The following MCF2L2 variants were observed in gnomAD, a reference collection of about 807,000 sequenced individuals.
MCF2L2 encodes probable guanine nucleotide exchange factor MCF2L2.
A neutral mutation model predicts 150.2 loss-of-function variants in MCF2L2; 102 were observed. The observed-to-expected ratio is 0.68, with a 90% confidence interval of 0.58 to 0.80. The LOEUF (loss-of-function observed/expected upper bound fraction) is 0.80. MCF2L2 is among the 30% of genes least tolerant of loss of function. MCF2L2 has a pLI of 0.00. For synonymous variants in MCF2L2, 465 were observed against 491.3 expected (o/e 0.95, Z 0.71); for missense variants, 1,256 against 1,372.8 (o/e 0.91, Z 1.34).
chr3:183,259,374 A>G (rs960728365), intron 15 of MCF2L2, among the ~76,000 whole-genome samples: 1 of 152,152 alleles, frequency 6.6e-6, no homozygotes, highest in Non-Finnish European at 1.5e-5. Context: ...AGGGCTGGGT[A>G]TGCATTTTAG....
intron 1 of MCF2L2, among the ~76,000 whole-genome samples, chr3:183,411,943 T>C (rs1715333626): frequency 6.6e-6 from 1 of 152,152 alleles, no homozygotes; most frequent in South Asian, 2.1e-4. Context: ...TGCTGGACAA[T>C]GCTATGACGA....
At chr3:183,418,058 C>T (rs1231259281) in intron 1 of MCF2L2, among the ~76,000 whole-genome samples, 2 of 152,062 alleles carry the variant, frequency 1.3e-5, no homozygotes, top group African/African-American at 2.4e-5. Flanking sequence ...TGTGGTGGTG[C>T]GCACCTATAG....
rs1576914305 is a variant in MCF2L2, at chr3:183,197,675, C to T, written c.2885-2420G>A. 1.3e-5 allele frequency among the ~76,000 whole-genome samples: 2 copies of T among 152,120 alleles called. No individual in the cohort carries two copies. The highest frequency in any genetic ancestry group is 6.6e-5 in the Admixed American group (1 of 15,264). ...TCACTCTTAAGAGAAAAAGATGCCA[C>T]ACACTAGAAGAAAATATTTACAAAG... On this transcript the variant is annotated intron_variant, in intron 25 of 29. Coordinates refer to ENST00000328913, the MANE Select transcript of MCF2L2 (RefSeq NM_015078.4). This position sits in a 1 kb window ranked among gnomAD's most constrained non-coding sequence, Gnocchi z 4.5.
intron 3 of MCF2L2, among the ~76,000 whole-genome samples, chr3:183,343,840 T>C (rs532702724): frequency 6.6e-6 from 1 of 152,272 alleles, no homozygotes; most frequent in Non-Finnish European, 1.5e-5. Flanking sequence ...GTCACAACAA[T>C]AGCATGAAGA....
chr3:183,196,387 G>T (rs1337353093), intron 25 of MCF2L2, among the ~76,000 whole-genome samples: 1 of 152,180 alleles, frequency 6.6e-6, no homozygotes, highest in African/African-American at 2.4e-5. Context: ...GTGTAAAAAT[G>T]AATCTGGGTG....
At chr3:183,410,890 T>C (rs1339353880) in intron 1 of MCF2L2, among the ~76,000 whole-genome samples, 1 of 152,024 alleles carries the variant, frequency 6.6e-6, no homozygotes, top group Non-Finnish European at 1.5e-5. Context: ...AGAAGAATGG[T>C]ATAGACACAG....
intron 1 of MCF2L2, among the ~76,000 whole-genome samples, chr3:183,419,524 T>C (rs1245711026): frequency 6.6e-6 from 1 of 152,228 alleles, no homozygotes; most frequent in Non-Finnish European, 1.5e-5. Flanking sequence ...AATTCCAATT[T>C]CAAACCATCT....
chr3:183,349,352 C>T (rs1160447533), intron 3 of MCF2L2, among the ~76,000 whole-genome samples: 4 of 152,198 alleles, frequency 2.6e-5, no homozygotes, highest in African/African-American at 9.7e-5. Flanking sequence ...CTAAGCACTA[C>T]TTTTATCTAT....
intron 15 of MCF2L2, among the ~76,000 whole-genome samples, chr3:183,250,951 A>C (rs1471525915): frequency 6.6e-6 from 1 of 152,224 alleles, no homozygotes; most frequent in Non-Finnish European, 1.5e-5. Context: ...CTCTGAGCTC[A>C]GCACTCCACC....
At chr3:183,278,846 T>C (rs2314732) in intron 14 of MCF2L2, among the ~76,000 whole-genome samples, 3,923 of 151,966 alleles carry the variant, frequency 0.026, 176 homozygotes, top group African/African-American at 0.087. Flanking sequence ...ATGATGAGAT[T>C]TCCCTAATTT....
At chr3:183,384,921 T>A (rs1200785927) in intron 2 of MCF2L2, among the ~76,000 whole-genome samples, 1 of 152,126 alleles carries the variant, frequency 6.6e-6, no homozygotes, top group African/African-American at 2.4e-5. Context: ...ATACAAATCA[T>A]TTGTTATAAA....
intron 27 of MCF2L2, chr3:183,182,665 TCG>T (rs1242836035): frequency 1.3e-5 from 2 of 152,118 alleles, no homozygotes; most frequent in Non-Finnish European, 2.9e-5. Flanking sequence ...GGGTGTGCCC[TCG>T]CCTGTCTCCC....
chr3:183,331,175 T>C (rs1421695016), intron 5 of MCF2L2, among the ~76,000 whole-genome samples: 3 of 152,218 alleles, frequency 2.0e-5, no homozygotes, highest in Admixed American at 1.3e-4. Flanking sequence ...ACAATCCTTA[T>C]ACCCCAAAGA....
chr3:183,304,334 A>G (rs2108502479), intron 10 of MCF2L2, among the ~76,000 whole-genome samples: 1 of 152,330 alleles, frequency 6.6e-6, no homozygotes, highest in East Asian at 1.9e-4. Context: ...AGTGACACAA[A>G]TCAAGTAGTG....
intron 1 of MCF2L2, among the ~76,000 whole-genome samples, chr3:183,406,680 G>A (rs1359890876): frequency 6.6e-6 from 1 of 152,034 alleles, no homozygotes; most frequent in East Asian, 1.9e-4. Context: ...GTAGAGACGG[G>A]GTTTCACCAC....
chr3:183,228,660 G>T (rs1434917300), intron 17 of MCF2L2, among the ~76,000 whole-genome samples: 1 of 152,148 alleles, frequency 6.6e-6, no homozygotes, highest in African/African-American at 2.4e-5. Context: ...GAGGAGAAAT[G>T]AGAACTACTC....
chr3:183,255,146 A>G (rs1724924959), intron 15 of MCF2L2, among the ~76,000 whole-genome samples: 1 of 152,090 alleles, frequency 6.6e-6, no homozygotes, highest in Admixed American at 6.5e-5. Flanking sequence ...ATTTTGGGAA[A>G]CCTTGCCTGT....
chr3:183,414,294 G>GA (rs1371387834), intron 1 of MCF2L2, among the ~76,000 whole-genome samples: 1 of 152,066 alleles, frequency 6.6e-6, no homozygotes, highest in Non-Finnish European at 1.5e-5. Context: ...TCTATTTCTT[G>GA]AGTCATTTTT....
intron 15 of MCF2L2, chr3:183,273,507 A>C (rs1168646173): frequency 6.6e-6 from 1 of 152,514 alleles, no homozygotes; most frequent in Non-Finnish European, 1.5e-5. Flanking sequence ...TGCATTATAG[A>C]GCCACCTAAG....
Sources: allele counts gnomAD v4.1 joint callset (sites outside exome capture counted in the v4.1 genomes callset), GRCh38; gene constraint gnomAD v4.1.1; non-coding constraint Gnocchi (gnomAD v3.1); transcripts MANE v1.5; gene names NCBI Gene and HGNC (gene_info 2026-07-23, HGNC 2026-07-21).